The following RGS7 variants were observed in gnomAD, a reference collection of about 807,000 sequenced individuals.
RGS7 encodes regulator of G-protein signaling 7.
A neutral mutation model predicts 81.1 loss-of-function variants in RGS7; 27 were observed. That is an observed-to-expected ratio of 0.33 (90% CI 0.25 to 0.46). RGS7 has a LOEUF of 0.46. Among genes scored for constraint, RGS7 ranks in the 20% least tolerant of loss-of-function variants. The pLI is 1.00. For missense variants in RGS7, 396 were observed against 607.4 expected (o/e 0.65, Z 3.66); for synonymous variants, 208 against 207.7 (o/e 1.00, Z -0.01).
chr1:241,027,715 G>A (rs75635641), intron 3 of RGS7, among the ~76,000 whole-genome samples: 4,129 of 152,232 alleles, frequency 0.027, 204 homozygotes, highest in African/African-American at 0.094. Flanking sequence ...AACTGCATGA[G>A]AGGAGGAGCC....
chr1:241,299,820 T>TAAAA (rs10716646), intron 2 of RGS7, among the ~76,000 whole-genome samples: 2 of 143,320 alleles, frequency 1.4e-5, no homozygotes, highest in African/African-American at 2.6e-5. Flanking sequence ...ATTAGGCCTT[T>TAAAA]AAAAAAAAAA....
chr1:240,907,896 G>A (rs567094235), intron 6 of RGS7, among the ~76,000 whole-genome samples: 6 of 152,142 alleles, frequency 3.9e-5, no homozygotes, highest in South Asian at 4.2e-4. Flanking sequence ...TAAGAGTGCC[G>A]ATCCATAAAA....
intron 2 of RGS7, among the ~76,000 whole-genome samples, chr1:241,319,606 C>T (rs963297443): frequency 2.6e-5 from 4 of 151,976 alleles, no homozygotes; most frequent in Admixed American, 6.6e-5. Flanking sequence ...TTCACCGTAA[C>T]GTCAAATTCC....
In RGS7 at chr1:241,021,556, A is replaced by G. The variant is rs201690184; in HGVS notation, c.176-38427T>C. Among the ~76,000 whole-genome samples the G allele has an allele frequency of 2.6e-5, 4 of 152,318 alleles. No homozygotes were observed. In the East Asian group the frequency reaches 7.7e-4, roughly 29 times the overall value. On this transcript the variant is annotated intron_variant, in intron 3 of 18. Coordinates refer to ENST00000440928, the MANE Select transcript of RGS7 (RefSeq NM_001364886.1). ...TTCACAAGAATACGTATCCAGTTTCAGAATAAGAACCAAGTATTTGCTGAC... is the reference window on the plus strand; with the variant it reads ...TTCACAAGAATACGTATCCAGTTTCGGAATAAGAACCAAGTATTTGCTGAC...
chr1:240,795,099 G>A (rs568984708), intron 18 of RGS7, among the ~76,000 whole-genome samples: 5 of 152,132 alleles, frequency 3.3e-5, no homozygotes, highest in East Asian at 1.9e-4. Context: ...CAGGAGAATC[G>A]CTTGAACCTG....
chr1:241,030,373 T>TATATATATATATATATATACAC (rs374223475), intron 3 of RGS7, among the ~76,000 whole-genome samples: 109 of 135,206 alleles, frequency 8.1e-4, no homozygotes, highest in South Asian at 2.3e-3. Flanking sequence ...TATATATATA[T>TATATATATATATATATATACAC]ACATACACAC....
intron 9 of RGS7, among the ~76,000 whole-genome samples, chr1:240,839,956 T>C (rs536277591): frequency 1.3e-5 from 2 of 152,200 alleles, no homozygotes; most frequent in African/African-American, 4.8e-5. Context: ...CACACTTGAT[T>C]CATCAGCGCA....
chr1:241,125,838 T>C (rs1327282153), intron 2 of RGS7, among the ~76,000 whole-genome samples: 2 of 152,336 alleles, frequency 1.3e-5, no homozygotes, highest in East Asian at 3.9e-4. Context: ...ACCTCGATCT[T>C]ATTTCCTCTT....
rs1226291158 is a variant in RGS7, at chr1:240,811,950, A to G, written c.1050T>C (p.Phe350=). Residue 350 remains phenylalanine (F), a synonymous_variant, in exon 14 of 19, where the codon TTT becomes TTC. Coordinates refer to ENST00000440928, the MANE Select transcript of RGS7 (RefSeq NM_001364886.1). ...TTTCCGAGCTGAATTCTGACTCTAG[A>G]AATTTAAGGAACTGTTCTCTCCCAA... The part of the protein sequence containing the change: ...DPVGREQFLK[F]LESEFSSENL... The G allele has an allele frequency of 6.2e-7, 1 of 1,613,714 alleles. No homozygotes were observed. The highest frequency in any genetic ancestry group is 8.5e-7 in the Non-Finnish European group (1 of 1,179,624).
chr1:240,911,919 A>G (rs1302296938), intron 6 of RGS7, among the ~76,000 whole-genome samples: 1 of 151,626 alleles, frequency 6.6e-6, no homozygotes, highest in Admixed American at 6.6e-5. Context: ...AGGTGGGCGG[A>G]TCATGAGGTT....
At chr1:240,870,212 T>G (rs1664236936) in intron 6 of RGS7, 93 bp from the exon 7 acceptor site, 3 of 1,038,482 alleles carry the variant, frequency 2.9e-6, no homozygotes, top group African/African-American at 3.1e-5. Flanking sequence ...CATTGCACTT[T>G]TTTCCCAAGT....
At chr1:240,976,137 A>G (rs1684029713) in intron 4 of RGS7, among the ~76,000 whole-genome samples, 1 of 152,264 alleles carries the variant, frequency 6.6e-6, no homozygotes, top group African/African-American at 2.4e-5. Context: ...TAAGGGAGCA[A>G]TGGAGTTACT....
At chr1:241,103,004 AGCAAGC>A in intron 2 of RGS7, among the ~76,000 whole-genome samples, 1 of 135,836 alleles carries the variant, frequency 7.4e-6, no homozygotes, top group African/African-American at 3.0e-5. Flanking sequence ...AAATGCTACA[AGCAAGC>A]AAAAAAAAAA....
chr1:241,096,910 G>A (rs569290810), intron 3 of RGS7, among the ~76,000 whole-genome samples: 8 of 152,214 alleles, frequency 5.3e-5, no homozygotes, highest in African/African-American at 1.7e-4. Context: ...TGGCAACGTA[G>A]TGCATTTATC....
At chr1:241,207,615 T>C (rs960850404) in intron 2 of RGS7, among the ~76,000 whole-genome samples, 1 of 152,068 alleles carries the variant, frequency 6.6e-6, no homozygotes, top group Non-Finnish European at 1.5e-5. Flanking sequence ...ATTAAAAAGG[T>C]AATATCAAAG....
intron 6 of RGS7, among the ~76,000 whole-genome samples, chr1:240,898,198 G>A (rs1263910463): frequency 1.3e-5 from 2 of 152,010 alleles, no homozygotes; most frequent in Non-Finnish European, 2.9e-5. Flanking sequence ...TCTTGCTAGT[G>A]GTCTGTCAAT....
At chr1:241,263,230 T>A (rs2077424887) in intron 2 of RGS7, among the ~76,000 whole-genome samples, 1 of 151,954 alleles carries the variant, frequency 6.6e-6, no homozygotes, top group Admixed American at 6.6e-5. Flanking sequence ...TGACCCGAGA[T>A]CTCGCCACTG....
rs184905561 is a variant in RGS7, at chr1:240,926,471, G to T, written c.385+4246C>A. On this transcript the variant is annotated intron_variant, in intron 6 of 18. Transcript: ENST00000440928. ...TTATAGATGTGCGGCTTTACTTTTG[G>T]GCTCTCAATTCTGTTTCATTAGTTT... Among the ~76,000 whole-genome samples the T allele has an allele frequency of 5.9e-5, 9 of 152,126 alleles. No individual in the cohort carries two copies. The East Asian group carries it at 1.7e-3, about 29-fold the overall frequency.
At chr1:241,238,453 C>T (rs2076097076) in intron 2 of RGS7, among the ~76,000 whole-genome samples, 1 of 152,168 alleles carries the variant, frequency 6.6e-6, no homozygotes, top group African/African-American at 2.4e-5. Flanking sequence ...ATCAACAACA[C>T]CTTTATTACA....
Sources: gnomAD v4.1 joint callset for allele counts (sites outside exome capture counted in the v4.1 genomes callset) on GRCh38, gnomAD v4.1.1 for gene constraint, MANE v1.5 for transcripts, NCBI Gene and HGNC (gene_info 2026-07-23, HGNC 2026-07-21) for gene names.